Variants in KANK1 observed in about 807,000 individuals in gnomAD.
KANK1 encodes the protein KN motif and ankyrin repeat domain-containing protein 1.
A neutral mutation model predicts 106.2 loss-of-function variants in KANK1; 109 were observed. The observed-to-expected ratio is 1.03, with a 90% confidence interval of 0.88 to 1.20. The LOEUF is 1.20. Among genes scored for constraint, KANK1 ranks in the 50% most tolerant of loss-of-function variants. KANK1 has a pLI of 0.00. For missense variants in KANK1, 2,399 were observed against 1,710.7 expected (o/e 1.40, Z -7.10); for synonymous variants, 873 against 652.2 (o/e 1.34, Z -5.16).
In KANK1 at chr9:740,890, G is replaced by C. The variant is rs1405884546; in HGVS notation, c.3652G>C (p.Glu1218Gln). ...AGCAGAGAAGGACATGCGGATTGTG[G>C]AAGAACTCTTCGGCTGTGGGGATGT... ...VEAEKDMRIVEELFGCGDVNA... is the reference protein window; with the variant it reads ...VEAEKDMRIVQELFGCGDVNA... The change falls in exon 9 of 12, where the codon GAA (glutamate) becomes CAA (glutamine). Residue 1218 changes from glutamate to glutamine, a missense_variant. Physicochemically the swap from Glu to Gln is conservative, Grantham distance 29. Transcript: ENST00000382297. 16 of 1,614,196 alleles carry C rather than the reference G, an allele frequency of 9.9e-6. No homozygotes were observed. The highest frequency in any genetic ancestry group is 1.4e-5 in the Non-Finnish European group (16 of 1,180,038).
chr9:573,856 T>C (rs1323623774), intron 1 of KANK1, among the ~76,000 whole-genome samples: 1 of 152,222 alleles, frequency 6.6e-6, no homozygotes, highest in African/African-American at 2.4e-5. Flanking sequence ...TACACACTTC[T>C]GAAAGGTTTT....
At chr9:516,608 G>C (rs1427380665) in intron 1 of KANK1, among the ~76,000 whole-genome samples, 1 of 151,518 alleles carries the variant, frequency 6.6e-6, no homozygotes, top group Non-Finnish European at 1.5e-5. Flanking sequence ...CATAATGCTG[G>C]GAATGACAGA....
intron 1 of KANK1, among the ~76,000 whole-genome samples, chr9:550,376 G>C (rs1208594927): frequency 6.6e-6 from 1 of 151,938 alleles, no homozygotes; most frequent in Non-Finnish European, 1.5e-5. Flanking sequence ...CCCTGCATCC[G>C]TACATGAAGC....
At chr9:594,758 T>C (rs1825811844) in intron 1 of KANK1, among the ~76,000 whole-genome samples, 1 of 151,822 alleles carries the variant, frequency 6.6e-6, no homozygotes, top group Non-Finnish European at 1.5e-5. Flanking sequence ...AAAAAATTAA[T>C]AATTTTTAAT....
intron 1 of KANK1, among the ~76,000 whole-genome samples, chr9:618,302 G>A (rs928020540): frequency 6.6e-6 from 1 of 152,118 alleles, no homozygotes; most frequent in Admixed American, 6.5e-5. Context: ...TCCACCTGCT[G>A]GTTCAAGCAA....
chr9:501,574 C>A (rs1358815770), upstream of KANK1, among the ~76,000 whole-genome samples: 1 of 151,630 alleles, frequency 6.6e-6, no homozygotes, highest in African/African-American at 2.4e-5. Context: ...AAATATGGTT[C>A]ATTGTTCCCA....
rs1288073751 is a variant in KANK1 at position 745,202 on chromosome 9, T to A, written c.4026T>A (p.Ser1342=). The stretch of plus-strand genomic sequence containing the variant: ...CCCCTAGGCTTGGAAGGAAGACGTC[T>A]CCTGGCCCCACCCACCGAGGTTCAT... ...PGTPRLGRKT[S]PGPTHRGSFD Residue 1342 remains serine (S), a synonymous_variant, in exon 12 of 12, where the codon TCT becomes TCA. Transcript: ENST00000382297. 3.1e-6 allele frequency: 5 copies of A among 1,613,944 alleles called. No homozygotes were observed. In the Admixed American group the frequency reaches 8.3e-5, roughly 27 times the overall value.
At chr9:720,950 G>C (rs1312083201) in intron 3 of KANK1, among the ~76,000 whole-genome samples, 4 of 152,204 alleles carry the variant, frequency 2.6e-5, no homozygotes, top group Non-Finnish European at 2.9e-5. Flanking sequence ...AACTAGAGGG[G>C]AGTCTAAATT....
intron 3 of KANK1, among the ~76,000 whole-genome samples, chr9:489,608 G>C (rs1564118502): frequency 6.6e-6 from 1 of 152,142 alleles, no homozygotes; most frequent in Admixed American, 6.5e-5. Flanking sequence ...CCTGATCTTA[G>C]CAGATTGCTT....
rs536987837 is a variant in KANK1 at position 566,717 on chromosome 9, ATAAATT to A, written c.-84+61967_-84+61972del. Among the ~76,000 whole-genome samples, 15 of 151,626 alleles carry A rather than the reference ATAAATT, an allele frequency of 9.9e-5. No individual in the cohort carries two copies. The East Asian group carries it at 2.9e-3, about 30-fold the overall frequency. ...TTTTTAATGGAGTTGTTTTTTTCTTATAAATTTAAGTTCCGTGTAGGTGCTGGATAT... is the reference window on the plus strand; with the variant it reads ...TTTTTAATGGAGTTGTTTTTTTCTTATAAGTTCCGTGTAGGTGCTGGATAT... On this transcript the variant is annotated intron_variant, in intron 1 of 11. Transcript: ENST00000382297.
chr9:633,806 C>G (rs1836404786), intron 1 of KANK1, among the ~76,000 whole-genome samples: 1 of 152,148 alleles, frequency 6.6e-6, no homozygotes, highest in African/African-American at 2.4e-5. Context: ...GCACATGCCA[C>G]CACACCTGGC....
intron 1 of KANK1, among the ~76,000 whole-genome samples, chr9:506,017 T>C (rs559496957): frequency 6.6e-6 from 1 of 152,076 alleles, no homozygotes; most frequent in South Asian, 2.1e-4. Context: ...TAAAAAAAAT[T>C]GAAGTGTAAT....
At chr9:740,994 G>C in intron 9 of KANK1, 60 bp downstream of exon 9, 1 of 1,586,890 alleles carries the variant, frequency 6.3e-7, no homozygotes, top group Non-Finnish European at 8.6e-7. Context: ...CAGGACTGCG[G>C]TGGCCATTCT....
intron 1 of KANK1, among the ~76,000 whole-genome samples, chr9:505,955 A>T (rs1204279589): frequency 1.3e-5 from 2 of 152,204 alleles, no homozygotes; most frequent in African/African-American, 4.8e-5. Flanking sequence ...TTCATCTGCC[A>T]GTTTCTCCTT....
chr9:710,174 A>T (rs7847515), intron 2 of KANK1, among the ~76,000 whole-genome samples: 67,807 of 151,954 alleles, frequency 0.45, 16,054 homozygotes, highest in African/African-American at 0.57. Flanking sequence ...TCCTTGTAAC[A>T]AGCCTGCACA....
Position 732,501 on chromosome 9 carries a change from T to C in KANK1, c.3129T>C (p.Thr1043=), listed in dbSNP as rs758462957. The C allele has an allele frequency of 6.2e-7, 1 of 1,614,076 alleles. No homozygotes were observed. The highest frequency in any genetic ancestry group is 2.2e-5 in the East Asian group (1 of 44,886). ...AGGAGGAGGAGGAGGATGAAGACAC[T>C]CGGGGAATGGCAGAAGGGCACCATG... is the stretch of plus-strand genomic sequence containing the variant. ...EEEEEEEDED[T]RGMAEGHHAV... Residue 1043 remains threonine (T), a synonymous_variant, in exon 6 of 12, where the codon ACT becomes ACC. Coordinates refer to ENST00000382297, the MANE Select transcript of KANK1 (RefSeq NM_015158.5).
chr9:718,216 A>G (rs1184923115), intron 3 of KANK1, among the ~76,000 whole-genome samples: 1 of 151,912 alleles, frequency 6.6e-6, no homozygotes, highest in Non-Finnish European at 1.5e-5. Flanking sequence ...CTGCAGATAT[A>G]AAAATATGAT....
At chr9:635,553 A>G (rs1037187646) in intron 1 of KANK1, among the ~76,000 whole-genome samples, 6 of 152,306 alleles carry the variant, frequency 3.9e-5, no homozygotes, top group South Asian at 2.1e-4. Flanking sequence ...GACTGGAGCT[A>G]GTCTTCAAAA....
At position 712,939 on chromosome 9, in the gene KANK1, A is replaced by G; in HGVS notation, c.2173A>G (p.Lys725Glu). The G allele has an allele frequency of 1.2e-6, 2 of 1,614,212 alleles. No homozygotes were observed. Among genetic ancestry groups the G allele is most frequent in the Non-Finnish European group, 1.7e-6 (2 of 1,180,046 alleles). Residue 725 changes from lysine (K) to glutamate (E), a missense_variant, in exon 3 of 12, where the codon AAG becomes GAG. Lys to Glu is a moderately conservative substitution (Grantham distance 56). Transcript: ENST00000382297. Reference sequence around the variant, plus strand: ...AGTAGCTGTAGGAGAAGGCCGTGTCAAGGACATCAACTCCTCCACCAAGAC... The same window carrying G: ...AGTAGCTGTAGGAGAAGGCCGTGTCGAGGACATCAACTCCTCCACCAAGAC... ...RTVAVGEGRVKDINSSTKTRS... is the reference protein window; with the variant it reads ...RTVAVGEGRVEDINSSTKTRS...
Sources: gnomAD v4.1 joint callset for allele counts (sites outside exome capture counted in the v4.1 genomes callset) on GRCh38, gnomAD v4.1.1 for gene constraint, MANE v1.5 for transcripts, NCBI Gene and HGNC (gene_info 2026-07-23, HGNC 2026-07-21) for gene names.